The following KCND2 variants were observed in gnomAD, a reference collection of about 807,000 sequenced individuals.
The protein encoded by KCND2 is A-type voltage-gated potassium channel KCND2.
A neutral mutation model predicts 54.4 loss-of-function variants in KCND2; 16 were observed. The ratio of observed to expected loss-of-function variants is 0.29; its 90% CI spans 0.20 to 0.45. The LOEUF (loss-of-function observed/expected upper bound fraction) is 0.45. KCND2 is among the 20% of genes least tolerant of loss of function. The pLI is 1.00. For missense variants in KCND2, 486 were observed against 824.2 expected, an observed-to-expected ratio of 0.59 and a Z score of 5.02; for synonymous variants, 317 against 310.7, an observed-to-expected ratio of 1.02 and a Z score of -0.21.
At chr7:120,281,890 T>A (rs1799269311) in intron 1 of KCND2, among the ~76,000 whole-genome samples, 2 of 152,202 alleles carry the variant, frequency 1.3e-5, no homozygotes, top group African/African-American at 4.8e-5. Flanking sequence ...ATGTTAAAAG[T>A]ATTTACATTT....
At chr7:120,599,086 T>C (rs897459843) in intron 1 of KCND2, among the ~76,000 whole-genome samples, 5 of 152,188 alleles carry the variant, frequency 3.3e-5, no homozygotes, top group Non-Finnish European at 7.4e-5. Context: ...AAGATTATCA[T>C]TTTTTATTAA....
intron 1 of KCND2, among the ~76,000 whole-genome samples, chr7:120,331,747 G>A (rs1563011950): frequency 1.3e-5 from 2 of 151,996 alleles, no homozygotes; most frequent in Non-Finnish European, 2.9e-5. Context: ...AAGGAAAAAT[G>A]TCATCATAAT....
In KCND2 at chr7:120,705,949, T is replaced by C. The variant is rs146926392; in HGVS notation, c.1116-26954T>C. Among the ~76,000 whole-genome samples the C allele has an allele frequency of 8.5e-5, 13 of 152,206 alleles. No homozygotes were observed. In the East Asian group the frequency reaches 2.3e-3, roughly 27 times the overall value. On this transcript the variant is annotated intron_variant, in intron 1 of 5. Coordinates refer to ENST00000331113, the MANE Select transcript of KCND2 (RefSeq NM_012281.3). ...CCAGCTCCCTGAACTCCTTTCTGTC[T>C]CTCTTCTGCCCACAGAGGGTCCTTT...
intron 1 of KCND2, among the ~76,000 whole-genome samples, chr7:120,678,274 A>G (rs1009347390): frequency 6.7e-6 from 1 of 149,976 alleles, no homozygotes; most frequent in African/African-American, 2.4e-5. Context: ...GCATTCAATT[A>G]TATAGGACTC....
intron 1 of KCND2, among the ~76,000 whole-genome samples, chr7:120,432,530 A>G (rs1241653882): frequency 6.6e-6 from 1 of 152,016 alleles, no homozygotes; most frequent in Non-Finnish European, 1.5e-5. Flanking sequence ...CACACCCCTC[A>G]TTTTCTGAAC....
At chr7:120,570,039 C>T (rs553774495) in intron 1 of KCND2, among the ~76,000 whole-genome samples, 1 of 152,186 alleles carries the variant, frequency 6.6e-6, no homozygotes, top group East Asian at 1.9e-4. Context: ...GAGAAGTGTC[C>T]GTGTCCCTTT....
intron 1 of KCND2, among the ~76,000 whole-genome samples, chr7:120,460,780 C>T (rs1791006427): frequency 1.3e-5 from 2 of 152,118 alleles, no homozygotes; most frequent in African/African-American, 4.8e-5. Context: ...CAGCCTGCCC[C>T]TGACCACTTT....
intron 1 of KCND2, among the ~76,000 whole-genome samples, chr7:120,300,426 G>T (rs1221868022): frequency 6.6e-6 from 1 of 151,876 alleles, no homozygotes; most frequent in Non-Finnish European, 1.5e-5. Flanking sequence ...TGCTGTCTTG[G>T]CAGAAAACCT....
At chr7:120,339,503 C>CTGTGTGTG (rs10525061) in intron 1 of KCND2, among the ~76,000 whole-genome samples, 1 of 149,696 alleles carries the variant, frequency 6.7e-6, no homozygotes, top group Admixed American at 6.7e-5. Context: ...CTTTAGAAGG[C>CTGTGTGTG]TGTGTGTGTG....
At chr7:120,389,697 T>A (rs542702349) in intron 1 of KCND2, among the ~76,000 whole-genome samples, 6 of 152,072 alleles carry the variant, frequency 3.9e-5, no homozygotes, top group African/African-American at 1.4e-4. Context: ...ATTACAGTAT[T>A]GTTATATTTA....
At chr7:120,349,183 C>G (rs1218358173) in intron 1 of KCND2, among the ~76,000 whole-genome samples, 2 of 152,134 alleles carry the variant, frequency 1.3e-5, no homozygotes, top group Admixed American at 1.3e-4. Flanking sequence ...TCTACATCCA[C>G]TATGGAAGAC....
At chr7:120,390,791 G>T (rs1801062544) in intron 1 of KCND2, among the ~76,000 whole-genome samples, 1 of 151,712 alleles carries the variant, frequency 6.6e-6, no homozygotes, top group African/African-American at 2.4e-5. Flanking sequence ...TTTAAAATTT[G>T]TATGAATTAT....
At chr7:120,596,331 A>G (rs536324625) in intron 1 of KCND2, among the ~76,000 whole-genome samples, 15 of 152,348 alleles carry the variant, frequency 9.8e-5, no homozygotes, top group African/African-American at 3.6e-4. Context: ...GCAGGAATGC[A>G]TCTGCTCCAG....
rs1323340137 is a variant in KCND2 at position 120,573,217 on chromosome 7, TTA to T, written c.1116-159684_1116-159683del. The stretch of plus-strand genomic sequence containing the variant: ...TGCACATAGGAGCAAAATAAGTACT[TTA>T]TGTCAGTAATTTTAGAATGCTTTAC... On this transcript the variant is annotated intron_variant, in intron 1 of 5. Coordinates refer to ENST00000331113, the MANE Select transcript of KCND2 (RefSeq NM_012281.3). Among the ~76,000 whole-genome samples the T allele has an allele frequency of 1.3e-4, 20 of 152,314 alleles. No homozygotes were observed. In the East Asian group the frequency reaches 3.7e-3, roughly 28 times the overall value.
At chr7:120,741,824 A>G (rs908216061) in intron 3 of KCND2, among the ~76,000 whole-genome samples, 195 bp downstream of exon 3, 5 of 152,154 alleles carry the variant, frequency 3.3e-5, no homozygotes, top group Admixed American at 2.0e-4. Context: ...AAACTTCACT[A>G]TGAAATACTG....
At chr7:120,634,299 GA>G (rs1255705733) in intron 1 of KCND2, among the ~76,000 whole-genome samples, 1 of 151,986 alleles carries the variant, frequency 6.6e-6, no homozygotes, top group Admixed American at 6.6e-5. Flanking sequence ...TTTTATTTGA[GA>G]AAATATTAAT....
chr7:120,338,982 G>A (rs12536689), intron 1 of KCND2, among the ~76,000 whole-genome samples: 6 of 151,902 alleles, frequency 3.9e-5, no homozygotes, highest in African/African-American at 1.2e-4. Context: ...CCGAGTTCAC[G>A]CCATTCTCCT....
intron 1 of KCND2, among the ~76,000 whole-genome samples, chr7:120,690,398 C>T (rs1472528200): frequency 6.6e-6 from 1 of 152,084 alleles, no homozygotes; most frequent in Non-Finnish European, 1.5e-5. Flanking sequence ...AGGTCCTGAC[C>T]TTAAGTATTT....
At chr7:120,464,690 C>A (rs1802342487) in intron 1 of KCND2, among the ~76,000 whole-genome samples, 1 of 152,162 alleles carries the variant, frequency 6.6e-6, no homozygotes, top group Non-Finnish European at 1.5e-5. Context: ...TATGCTCATT[C>A]AAGCTAATGA....
Sources: gnomAD v4.1 joint callset for allele counts (sites outside exome capture counted in the v4.1 genomes callset) on GRCh38, gnomAD v4.1.1 for gene constraint, MANE v1.5 for transcripts, NCBI Gene and HGNC (gene_info 2026-07-23, HGNC 2026-07-21) for gene names.